Variants in TMC3 observed in about 807,000 individuals in gnomAD.
TMC3 encodes the protein transmembrane channel like 3.
TMC3 carries 98 observed loss-of-function variants against 110.6 expected under a neutral mutation model. The ratio of observed to expected loss-of-function variants is 0.89; its 90% CI spans 0.75 to 1.05. The LOEUF (loss-of-function observed/expected upper bound fraction) is 1.05. Among genes scored for constraint, TMC3 ranks in the 50% least tolerant of loss-of-function variants. TMC3 has a pLI of 0.00. For synonymous variants in TMC3, 489 were observed against 513.1 expected, an observed-to-expected ratio of 0.95 and a Z score of 0.63; for missense variants, 1,319 against 1,373.2, an observed-to-expected ratio of 0.96 and a Z score of 0.62.
At position 81,337,896 on chromosome 15, in the gene TMC3, C is replaced by T. The variant is rs759090667; in HGVS notation, c.2110G>A (p.Ala704Thr). The change falls in exon 19 of 22, where the codon GCA (alanine) becomes ACA (threonine). Residue 704 changes from alanine (A) to threonine (T), a missense_variant. Physicochemically the swap from Ala to Thr is moderately conservative, Grantham distance 58. Transcript: ENST00000359440. ...FMLIYYLQSIARSLKLSNHQL... is the reference protein window; with the variant it reads ...FMLIYYLQSITRSLKLSNHQL... ...TGGTTGCTGAGCTTTAGAGACCGTG[C>T]GATGCTCTGGAGATAATAGATGAGC... The T allele has an allele frequency of 8.7e-6, 14 of 1,613,870 alleles. No homozygotes were observed. The highest frequency in any genetic ancestry group is 6.7e-5 in the East Asian group (3 of 44,890).
Position 81,364,959 on chromosome 15 carries a change from T to C in TMC3, c.313-2658A>G, listed in dbSNP as rs372541675. On this transcript the variant is annotated intron_variant, in intron 3 of 21. Coordinates refer to ENST00000359440, the MANE Select transcript of TMC3 (RefSeq NM_001080532.3). ...ACCAGGGGCCTATATATGCTTATTA[T>C]GTATAACAAACATGGTTTGAAGCAA... Among the ~76,000 whole-genome samples, 82 of 151,642 alleles carry C rather than the reference T, an allele frequency of 5.4e-4. No homozygotes were observed. In the East Asian group the frequency reaches 0.015, roughly 27 times the overall value.
In TMC3 at chr15:81,344,816, G is replaced by A. The variant is rs1201305170; in HGVS notation, c.1468C>T (p.Leu490Phe). 4 of 1,613,832 alleles carry A rather than the reference G, an allele frequency of 2.5e-6. No individual in the cohort carries two copies. Among genetic ancestry groups the A allele is most frequent in the East Asian group, 2.2e-5 (1 of 44,902 alleles). The change falls in exon 13 of 22, where the codon CTC becomes TTC. Residue 490 changes from leucine (L) to phenylalanine (F), a missense_variant. Coordinates refer to ENST00000359440, the MANE Select transcript of TMC3 (RefSeq NM_001080532.3). ...MPLIKANKTS[L>F]HTQSPQDQCW... ...TGGTCTTGTGGACTCTGAGTGTGGA[G>A]GCTAGTCTTGTTGGCCTTTATAAGA...
In TMC3 at chr15:81,351,755, A is replaced by G. The variant is rs771430628; in HGVS notation, c.1022T>C (p.Val341Ala). Residue 341 changes from valine (V) to alanine (A), a missense_variant, in exon 10 of 22, where the codon GTG becomes GCG. Transcript: ENST00000359440. Reference protein sequence around the residue: ...AGSIYLIYFVVDRSQKLEQSK... With the variant: ...AGSIYLIYFVADRSQKLEQSK... The stretch of plus-strand genomic sequence containing the variant: ...CTGCTCCAGCTTCTGGGACCGGTCC[A>G]CCACAAAGTAGATGAGATAAATGCT... 1 of 1,595,458 alleles carries G rather than the reference A, an allele frequency of 6.3e-7. No individual in the cohort carries two copies. The highest frequency in any genetic ancestry group is 8.5e-7 in the Non-Finnish European group (1 of 1,171,118).
At chr15:81,347,686 C>T (rs959262411) in intron 11 of TMC3, among the ~76,000 whole-genome samples, 7 of 152,204 alleles carry the variant, frequency 4.6e-5, no homozygotes, top group African/African-American at 1.4e-4. Flanking sequence ...CCAGAATTAG[C>T]CCTAATTTGT....
chr15:81,371,452 C>A (rs114623323), intron 2 of TMC3, among the ~76,000 whole-genome samples: 1 of 152,280 alleles, frequency 6.6e-6, no homozygotes, highest in African/African-American at 2.4e-5. Context: ...TAGAAAAGGG[C>A]AGTGAAGATC....
chr15:81,373,845 C>T (rs1254476658), intron 1 of TMC3, 144 bp downstream of exon 1: 24 of 734,810 alleles, frequency 3.3e-5, no homozygotes, highest in Non-Finnish European at 5.1e-5. Flanking sequence ...CTAGTTGTAC[C>T]ACAACCTGGA....
chr15:81,349,692 A>G (rs1200578389), intron 10 of TMC3, 125 bp from the exon 11 acceptor site: 11 of 474,908 alleles, frequency 2.3e-5, no homozygotes, highest in Non-Finnish European at 3.8e-5. Flanking sequence ...TGGATCCTCC[A>G]TGGAAAATCC....
At position 81,338,739 on chromosome 15, in the gene TMC3, T is replaced by C. The variant is rs2141693663; in HGVS notation, c.1997A>G (p.Glu666Gly). 3 of 1,613,980 alleles carry C rather than the reference T, an allele frequency of 1.9e-6. No individual in the cohort carries two copies. Among genetic ancestry groups the C allele is most frequent in the Non-Finnish European group, 2.5e-6 (3 of 1,179,860 alleles). Residue 666 changes from glutamate (E) to glycine (G), a missense_variant, in exon 18 of 22, where the codon GAG (glutamate) becomes GGG (glycine). By Grantham distance (98) the Glu-to-Gly change is moderately conservative. Transcript: ENST00000359440. ...KIYDIVSETIEKDFPVWFGSV... is the reference protein window; with the variant it reads ...KIYDIVSETIGKDFPVWFGSV... ...GCCAAACCACACAGGAAAGTCTTTC[T>C]CAATCGTTTCTGACACAATGTCATA...
chr15:81,334,115 G>A (rs1893537937), intron 21 of TMC3, among the ~76,000 whole-genome samples: 1 of 152,016 alleles, frequency 6.6e-6, no homozygotes, highest in South Asian at 2.1e-4. Context: ...ACAGAGACAG[G>A]CAGACAACTC....
intron 7 of TMC3, among the ~76,000 whole-genome samples, chr15:81,357,053 G>A (rs953217809): frequency 2.6e-5 from 4 of 152,194 alleles, no homozygotes; most frequent in African/African-American, 9.6e-5. Context: ...GAAGGCAGGA[G>A]TCATCAACCC....
At position 81,343,906 on chromosome 15, in the gene TMC3, A is replaced by G; in HGVS notation, c.1647+11T>C. 2 of 1,610,632 alleles carry G rather than the reference A, an allele frequency of 1.2e-6. No homozygotes were observed. Among genetic ancestry groups the G allele is most frequent in the East Asian group, 2.2e-5 (1 of 44,782 alleles). On this transcript the variant is annotated intron_variant, in intron 14 of 21. Coordinates refer to ENST00000359440, the MANE Select transcript of TMC3 (RefSeq NM_001080532.3). ...TATAAACTTTCCCAACAGACACAGC[A>G]TTTTACTTACAAACTTGCTCTCCAG...
intron 17 of TMC3, 75 bp from the exon 18 acceptor site, chr15:81,338,855 C>T (rs1596079802): frequency 1.3e-6 from 2 of 1,546,932 alleles, no homozygotes; most frequent in Non-Finnish European, 8.8e-7. Context: ...CAGAAAATGG[C>T]TGGATGCCTG....
intron 15 of TMC3, among the ~76,000 whole-genome samples, chr15:81,342,488 T>A (rs1893735403): frequency 6.6e-6 from 1 of 152,228 alleles, no homozygotes; most frequent in South Asian, 2.1e-4. Flanking sequence ...GTACTTGATA[T>A]CTAGCACTAT....
Position 81,345,003 on chromosome 15 carries a change from A to G in TMC3, c.1281T>C (p.Ala427=), listed in dbSNP as rs1336070300. Reference sequence around the variant, plus strand: ...TCCAATGACTTGTGTTATTTTTGGTAGCCATTTCCTGGGGAGAGAGAGAGA... The same window carrying G: ...TCCAATGACTTGTGTTATTTTTGGTGGCCATTTCCTGGGGAGAGAGAGAGA... ...KVNSMSIEEM[A]TKNNTSHWID... The change falls in exon 13 of 22, where the codon GCT becomes GCC. Residue 427 remains alanine (A), a synonymous_variant. Transcript: ENST00000359440. 1.3e-6 allele frequency: 2 copies of G among 1,572,998 alleles called. No individual in the cohort carries two copies. Among genetic ancestry groups the G allele is most frequent in the Non-Finnish European group, 1.7e-6 (2 of 1,158,566 alleles).
At position 81,338,707 on chromosome 15, in the gene TMC3, C is replaced by A; in HGVS notation, c.2029G>T (p.Val677Phe). 6.2e-7 allele frequency: 1 copy of A among 1,614,026 alleles called. No individual in the cohort carries two copies. Among genetic ancestry groups the A allele is most frequent in the Non-Finnish European group, 8.5e-7 (1 of 1,179,888 alleles). The change falls in exon 18 of 22, where the codon GTT becomes TTT. Residue 677 changes from valine (V) to phenylalanine (F), a missense_variant. By Grantham distance (50) the Val-to-Phe change is conservative. Transcript: ENST00000359440. Reference sequence around the variant, plus strand: ...ACCACGGGGCTACTGATGTGTCCAACCACGGAGCCAAACCACACAGGAAAG... The same window carrying A: ...ACCACGGGGCTACTGATGTGTCCAAACACGGAGCCAAACCACACAGGAAAG... ...KDFPVWFGSVVGHISSPVVIL... is the reference protein window; with the variant it reads ...KDFPVWFGSVFGHISSPVVIL...
Position 81,345,022 on chromosome 15 carries a change from A to G in TMC3, c.1273-11T>C. 1 of 1,534,786 alleles carries G rather than the reference A, an allele frequency of 6.5e-7. No individual in the cohort carries two copies. Among genetic ancestry groups the G allele is most frequent in the Non-Finnish European group, 8.8e-7 (1 of 1,131,276 alleles). ...TTTGGTAGCCATTTCCTGGGGAGAG[A>G]GAGAGAGAGAGAGAGGGAAGCAGGG... On this transcript the variant is annotated splice_polypyrimidine_tract_variant and intron_variant, in intron 12 of 21. Transcript: ENST00000359440.
intron 17 of TMC3, among the ~76,000 whole-genome samples, 183 bp from the exon 18 acceptor site, chr15:81,338,963 C>T (rs1187425329): frequency 6.6e-6 from 1 of 152,088 alleles, no homozygotes; most frequent in East Asian, 1.9e-4. Context: ...TGTGTGTGTT[C>T]TAATCGTGTA....
At position 81,333,262 on chromosome 15, in the gene TMC3, C is replaced by A. The variant is rs1341295877; in HGVS notation, c.2460G>T (p.Arg820Ser). 6.2e-7 allele frequency: 1 copy of A among 1,600,014 alleles called. No individual in the cohort carries two copies. Among genetic ancestry groups the A allele is most frequent in the Non-Finnish European group, 8.5e-7 (1 of 1,171,002 alleles). ...TGCTTGCACACAGACCGTGCAGATA[C>A]CTGTAAGACAGGGGCGGTTAAGTAG... ...PKSRLEHETNRYLHGLCASTS... is the reference protein window; with the variant it reads ...PKSRLEHETNSYLHGLCASTS... The change falls in exon 22 of 22, where the codon AGG becomes AGT. Residue 820 changes from arginine to serine, a missense_variant and splice_region_variant. Transcript: ENST00000359440.
Position 81,356,459 on chromosome 15 carries a change from C to G in TMC3, c.879G>C (p.Val293=), listed in dbSNP as rs1894063306. The change falls in exon 8 of 22, where the codon GTG becomes GTC. Residue 293 remains valine, a synonymous_variant. Transcript: ENST00000359440. ...EAAESKTAAI[V]NSIREAILEE... ...CTCACTCACTCACCCTGATGCTGTT[C>G]ACTATGGCAGCTGTTTTGCTCTCTG... The G allele has an allele frequency of 6.4e-7, 1 of 1,567,896 alleles. No homozygotes were observed. The highest frequency in any genetic ancestry group is 1.9e-5 in the Admixed American group (1 of 53,508).
Sources: allele counts gnomAD v4.1 joint callset (sites outside exome capture counted in the v4.1 genomes callset), GRCh38; gene constraint gnomAD v4.1.1; transcripts MANE v1.5; gene names NCBI Gene and HGNC (gene_info 2026-07-23, HGNC 2026-07-21).